PTPN13: variants seen among roughly 807,000 people sequenced by gnomAD.
The protein encoded by PTPN13 is tyrosine-protein phosphatase non-receptor type 13.
PTPN13 carries 191 observed loss-of-function variants against 284.0 expected under a neutral mutation model. The ratio of observed to expected loss-of-function variants is 0.67; its 90% CI spans 0.60 to 0.76. The LOEUF is 0.76. Among genes scored for constraint, PTPN13 ranks in the 30% least tolerant of loss-of-function variants. The pLI is 0.00. For synonymous variants in PTPN13, 986 were observed against 1,022.3 expected, an observed-to-expected ratio of 0.96 and a Z score of 0.68; for missense variants, 2,797 against 2,939.9, an observed-to-expected ratio of 0.95 and a Z score of 1.12.
intron 2 of PTPN13, among the ~76,000 whole-genome samples, chr4:86,655,293 G>C (rs1266063481): frequency 6.6e-6 from 1 of 152,140 alleles, no homozygotes; most frequent in Non-Finnish European, 1.5e-5. Flanking sequence ...TATGATGTTA[G>C]CTAGTTATTT....
At chr4:86,603,746 C>T (rs2149165671) in intron 1 of PTPN13, among the ~76,000 whole-genome samples, 1 of 152,022 alleles carries the variant, frequency 6.6e-6, no homozygotes, top group South Asian at 2.1e-4. Flanking sequence ...GCAATATATC[C>T]TGCCAATAAA....
chr4:86,804,998 C>T (rs1308469931), intron 43 of PTPN13, among the ~76,000 whole-genome samples: 2 of 151,936 alleles, frequency 1.3e-5, no homozygotes, highest in African/African-American at 4.8e-5. Flanking sequence ...GTATTTTTTT[C>T]TAAAATATAA....
chr4:86,631,588 A>G (rs746459183), intron 1 of PTPN13, among the ~76,000 whole-genome samples: 19 of 152,136 alleles, frequency 1.2e-4, no homozygotes, highest in Non-Finnish European at 2.6e-4. Flanking sequence ...GATAACTTTG[A>G]AAAACAAATG....
chr4:86,709,520 A>C (rs1185969906), intron 7 of PTPN13, among the ~76,000 whole-genome samples: 1 of 152,184 alleles, frequency 6.6e-6, no homozygotes, highest in African/African-American at 2.4e-5. Flanking sequence ...GGGTTACAAC[A>C]ATATTCTCTG....
intron 10 of PTPN13, among the ~76,000 whole-genome samples, chr4:86,729,734 A>G (rs1734728848): frequency 6.7e-6 from 1 of 149,512 alleles, no homozygotes; most frequent in South Asian, 2.1e-4. Flanking sequence ...CTAGTTAGCC[A>G]TTCCTCTAAC....
intron 5 of PTPN13, chr4:86,689,888 G>A (rs1729848219): frequency 3.3e-6 from 2 of 603,502 alleles, no homozygotes; most frequent in African/African-American, 3.7e-5. Flanking sequence ...TTATCCTTAG[G>A]GTTGTAGTCC....
At chr4:86,711,294 G>A (rs1042148529) in intron 7 of PTPN13, among the ~76,000 whole-genome samples, 5 of 151,860 alleles carry the variant, frequency 3.3e-5, no homozygotes, top group Admixed American at 2.6e-4. Context: ...GATTACAGAC[G>A]TAACCCAACA....
intron 1 of PTPN13, chr4:86,595,885 T>A: frequency 3.9e-6 from 2 of 507,546 alleles, no homozygotes; most frequent in Non-Finnish European, 5.1e-6. Flanking sequence ...GAAACAAGCT[T>A]AGGTATTTTC....
intron 35 of PTPN13, among the ~76,000 whole-genome samples, chr4:86,779,442 G>T (rs1012893381): frequency 1.3e-4 from 19 of 151,886 alleles, no homozygotes; most frequent in African/African-American, 4.1e-4. Flanking sequence ...AATGATGTAT[G>T]TGGGCCTGTG....
At chr4:86,638,314 A>G (rs1463101318) in intron 2 of PTPN13, among the ~76,000 whole-genome samples, 2 of 152,204 alleles carry the variant, frequency 1.3e-5, no homozygotes, top group Admixed American at 1.3e-4. Flanking sequence ...TCTTCCCAGA[A>G]TAGGAAAAAA....
chr4:86,617,091 A>G (rs1228857543), intron 1 of PTPN13, among the ~76,000 whole-genome samples: 1 of 152,172 alleles, frequency 6.6e-6, no homozygotes, highest in African/African-American at 2.4e-5. Context: ...ACCTATATTG[A>G]AGAGTCACTA....
chr4:86,660,726 C>T (rs2148848126), intron 2 of PTPN13, among the ~76,000 whole-genome samples: 1 of 152,170 alleles, frequency 6.6e-6, no homozygotes, highest in Non-Finnish European at 1.5e-5. Flanking sequence ...ATATAACATG[C>T]TTAATATGAA....
chr4:86,758,763 C>CT lies in PTPN13; in HGVS notation c.3401dup (p.Leu1134PhefsTer16), dbSNP rs1289301427. The stretch of plus-strand genomic sequence containing the variant: ...CAGTTGCCCCTGGAGGACCAGCTGA[C>CT]TTGGATGGATGCTTGAAGCCAGGTA... On this transcript the variant is annotated frameshift_variant, in exon 22 of 48. Coordinates refer to ENST00000411767, the MANE Select transcript of PTPN13 (RefSeq NM_080683.3). LOFTEE classifies it high-confidence loss of function. The CT allele has an allele frequency of 6.2e-7, 1 of 1,613,530 alleles. No homozygotes were observed. The highest frequency in any genetic ancestry group is 1.3e-5 in the African/African-American group (1 of 74,894).
Position 86,805,371 on chromosome 4 carries a change from T to G in PTPN13, c.6745+2T>G, listed in dbSNP as rs780761136. The stretch of plus-strand genomic sequence containing the variant: ...ACAGATATAAAAATATACTTCCCTG[T>G]AAGTTCCAGTTTGGCTTCAGATTTA... On this transcript the variant is annotated splice_donor_variant, in intron 44 of 47. Coordinates refer to ENST00000411767, the MANE Select transcript of PTPN13 (RefSeq NM_080683.3). LOFTEE classifies it high-confidence loss of function. 1.3e-6 allele frequency: 2 copies of G among 1,560,454 alleles called. No individual in the cohort carries two copies. The highest frequency in any genetic ancestry group is 1.8e-6 in the Non-Finnish European group (2 of 1,139,032).
At chr4:86,657,713 G>C (rs1267236850) in intron 2 of PTPN13, among the ~76,000 whole-genome samples, 2 of 152,190 alleles carry the variant, frequency 1.3e-5, no homozygotes, top group Admixed American at 1.3e-4. Flanking sequence ...TGCTGGGACT[G>C]AGTCTCTTCC....
At chr4:86,804,122 T>TA (rs76642242) in intron 43 of PTPN13, among the ~76,000 whole-genome samples, 155 of 135,364 alleles carry the variant, frequency 1.1e-3, no homozygotes, top group Admixed American at 1.6e-3. Flanking sequence ...TAAAAATGTT[T>TA]AAAAAAAAAA....
intron 15 of PTPN13, among the ~76,000 whole-genome samples, chr4:86,737,587 T>C (rs1361857434): frequency 2.0e-5 from 3 of 151,886 alleles, no homozygotes; most frequent in Non-Finnish European, 4.4e-5. Flanking sequence ...CTCTTGTCTC[T>C]TTATAGTCAG....
At position 86,689,105 on chromosome 4, in the gene PTPN13, G is replaced by T; in HGVS notation, c.461G>T (p.Ser154Ile). 1.2e-6 allele frequency: 2 copies of T among 1,611,940 alleles called. No homozygotes were observed. The highest frequency in any genetic ancestry group is 1.7e-6 in the Non-Finnish European group (2 of 1,178,036). The change falls in exon 5 of 48, where the codon AGT becomes ATT. Residue 154 changes from serine (S) to isoleucine (I), a missense_variant. Transcript: ENST00000411767. ...GTTCGGACTGTGCTGGATGCTTGCA[G>T]TGCCCACATTAGGAATAGCAATTGT... ...VSVRTVLDACSAHIRNSNCAP... is the reference protein window; with the variant it reads ...VSVRTVLDACIAHIRNSNCAP...
intron 10 of PTPN13, among the ~76,000 whole-genome samples, chr4:86,728,064 T>C (rs9762361): frequency 0.063 from 9,392 of 149,544 alleles, 1,263 homozygotes; most frequent in African/African-American, 0.21. Flanking sequence ...GCCTTCATTT[T>C]GTTATATACC....
Sources: gnomAD v4.1 joint callset for allele counts (sites outside exome capture counted in the v4.1 genomes callset) on GRCh38, gnomAD v4.1.1 for gene constraint, MANE v1.5 for transcripts, NCBI Gene and HGNC (gene_info 2026-07-23, HGNC 2026-07-21) for gene names.